The following PCNX2 variants were observed in gnomAD, a reference collection of about 807,000 sequenced individuals.
PCNX2 encodes the protein pecanex 2, also known as pecanex-like protein 2.
PCNX2 carries 168 observed loss-of-function variants against 223.8 expected under a neutral mutation model. The ratio of observed to expected loss-of-function variants is 0.75; its 90% CI spans 0.66 to 0.85. The LOEUF (loss-of-function observed/expected upper bound fraction) is 0.85. Ranked by LOEUF, PCNX2 falls within the 40% of genes least tolerant of loss-of-function variation. PCNX2 has a pLI of 0.00. For missense variants in PCNX2, 2,507 were observed against 2,675.5 expected (o/e 0.94, Z 1.39); for synonymous variants, 1,006 against 1,052.6 (o/e 0.96, Z 0.86).
At position 233,252,675 on chromosome 1, in the gene PCNX2, G is replaced by C. The variant is rs991448682; in HGVS notation, c.1948C>G (p.Pro650Ala). The change falls in exon 6 of 34, where the codon CCC (proline) becomes GCC (alanine). Residue 650 changes from proline (P) to alanine (A), a missense_variant. Pro to Ala is a conservative substitution (Grantham distance 27). Around this residue, in one of 3 missense-constraint regions of PCNX2, gnomAD observed 1,031 missense variants for 1,021.7 expected, o/e 1.01. Transcript: ENST00000258229. ...GTCTTGGCAGGCTGAGTGCATGCGG[G>C]GCCGGTGCTAGTATGGTCTTGACTT... ...LQSQDHTSTG[P>A]ACTQPAKTTA... The C allele has an allele frequency of 1.2e-6, 2 of 1,613,638 alleles. No homozygotes were observed. The highest frequency in any genetic ancestry group is 1.7e-6 in the Non-Finnish European group (2 of 1,179,800).
At chr1:233,281,495 T>A (rs906992916) in intron 1 of PCNX2, among the ~76,000 whole-genome samples, 2 of 152,182 alleles carry the variant, frequency 1.3e-5, no homozygotes, top group Admixed American at 1.3e-4. Context: ...CTCCTATACT[T>A]AATATCAGTC....
intron 1 of PCNX2, among the ~76,000 whole-genome samples, chr1:233,278,976 T>C (rs997172261): frequency 2.6e-5 from 4 of 152,208 alleles, no homozygotes; most frequent in African/African-American, 9.7e-5. Flanking sequence ...ATGACCCTAG[T>C]ATTCTTCAAT....
chr1:233,229,697 T>A (rs1285007800), intron 9 of PCNX2, among the ~76,000 whole-genome samples: 1 of 152,154 alleles, frequency 6.6e-6, no homozygotes, highest in Non-Finnish European at 1.5e-5. Context: ...GAAAAGTCAG[T>A]ATCTAAAAAA....
At chr1:233,096,428 T>C (rs149579384) in intron 21 of PCNX2, among the ~76,000 whole-genome samples, 1,669 of 152,322 alleles carry the variant, frequency 0.011, 9 homozygotes, top group Non-Finnish European at 0.018. Flanking sequence ...AGACCTCACA[T>C]ACGGTGAACA....
chr1:233,101,531 A>G (rs991116644), intron 21 of PCNX2, among the ~76,000 whole-genome samples: 1 of 152,232 alleles, frequency 6.6e-6, no homozygotes, highest in Non-Finnish European at 1.5e-5. Context: ...AATAGCATCC[A>G]TCAGACTTTG....
At position 233,295,644 on chromosome 1, in the gene PCNX2, C is replaced by T; in HGVS notation, c.-166G>A. On this transcript the variant is annotated 5_prime_UTR_variant, in exon 1 of 34. Transcript: ENST00000258229. This position sits in a 1 kb window ranked among gnomAD's most constrained non-coding sequence, Gnocchi z 4.1. Reference sequence around the variant, plus strand: ...TTCCACCCCACGTTTGAAGCTGGAGCTGCTCTTCCGCCCGGACCCGCGAAC... The same window carrying T: ...TTCCACCCCACGTTTGAAGCTGGAGTTGCTCTTCCGCCCGGACCCGCGAAC... The T allele has an allele frequency of 1.3e-6, 1 of 755,710 alleles. No individual in the cohort carries two copies. The highest frequency in any genetic ancestry group is 5.0e-5 in the South Asian group (1 of 20,124). 46.8% of individuals were successfully genotyped at this position (755,710 alleles called of 1,614,324 possible).
chr1:233,098,223 C>A (rs758444067), intron 21 of PCNX2, among the ~76,000 whole-genome samples: 2 of 152,176 alleles, frequency 1.3e-5, no homozygotes, highest in Non-Finnish European at 2.9e-5. Context: ...GGCATTTAAG[C>A]CACCTTTTGA....
At position 233,017,000 on chromosome 1, in the gene PCNX2, C is replaced by G. The variant is rs1247819488; in HGVS notation, c.4760G>C (p.Cys1587Ser). The change falls in exon 27 of 34, where the codon TGT (cysteine) becomes TCT (serine). Residue 1587 changes from cysteine (C) to serine (S), a missense_variant. By Grantham distance (112) the Cys-to-Ser change is moderately radical. Transcript: ENST00000258229. Reference sequence around the variant, plus strand: ...GCTAGCTCGTGTGATCCCCTGGAGACACGGGACGTAGTCATCATCAATGTT... The same window carrying G: ...GCTAGCTCGTGTGATCCCCTGGAGAGACGGGACGTAGTCATCATCAATGTT... ...NINIDDDYVP[C>S]LQGITRASFC... 1 of 1,613,948 alleles carries G rather than the reference C, an allele frequency of 6.2e-7. No homozygotes were observed. Among genetic ancestry groups the G allele is most frequent in the Non-Finnish European group, 8.5e-7 (1 of 1,179,870 alleles).
intron 7 of PCNX2, 114 bp from the exon 8 acceptor site, chr1:233,250,946 CTG>C: frequency 8.8e-7 from 1 of 1,138,240 alleles, no homozygotes; most frequent in South Asian, 1.7e-5. Flanking sequence ...GTTATAATAA[CTG>C]TTGACAATCG....
rs1327690156 is a variant in PCNX2 at position 233,139,887 on chromosome 1, C to A, written c.3518-32G>T. ...GAAATATAAAAACCACTTAGAACAA[C>A]CACCGATCAAAGTATTTTTCTTTAA... On this transcript the variant is annotated intron_variant, in intron 19 of 33. Coordinates refer to ENST00000258229, the MANE Select transcript of PCNX2 (RefSeq NM_014801.4). The surrounding 1 kb of genome is among the most constrained non-coding windows in gnomAD (Gnocchi z 4.4). 8 of 1,597,944 alleles carry A rather than the reference C, an allele frequency of 5.0e-6. No individual in the cohort carries two copies. The highest frequency in any genetic ancestry group is 8.5e-7 in the Non-Finnish European group (1 of 1,172,830).
intron 9 of PCNX2, chr1:233,231,570 T>C (rs1658064677): frequency 1.1e-6 from 1 of 896,258 alleles, no homozygotes; most frequent in Non-Finnish European, 1.3e-6. Flanking sequence ...GGGGTGGATA[T>C]TGAAAATAAT....
chr1:233,168,761 C>G (rs1678952349), intron 17 of PCNX2, among the ~76,000 whole-genome samples: 1 of 151,968 alleles, frequency 6.6e-6, no homozygotes, highest in Non-Finnish European at 1.5e-5. Flanking sequence ...GTAAGCATTT[C>G]ACAATCCTTG....
chr1:233,178,626 A>G (rs1052853074), intron 16 of PCNX2, among the ~76,000 whole-genome samples: 1 of 152,174 alleles, frequency 6.6e-6, no homozygotes, highest in Non-Finnish European at 1.5e-5. Flanking sequence ...CAAAACAATA[A>G]AATCAAACAA....
At chr1:233,167,717 T>A in intron 17 of PCNX2, 2 of 981,792 alleles carry the variant, frequency 2.0e-6, no homozygotes, top group Non-Finnish European at 2.4e-6. Flanking sequence ...AAAATAAAAA[T>A]ATCTTTAAAA....
In PCNX2 at chr1:233,295,483, G is replaced by C. The variant is rs1393328027; in HGVS notation, c.-5C>G. The stretch of plus-strand genomic sequence containing the variant: ...CTGCAGCACCTGGGACACCATGCCG[G>C]CTGCGCCCCGGGGCTGGTGAGCGCC... On this transcript the variant is annotated 5_prime_UTR_variant, in exon 1 of 34. Coordinates refer to ENST00000258229, the MANE Select transcript of PCNX2 (RefSeq NM_014801.4). This position sits in a 1 kb window ranked among gnomAD's most constrained non-coding sequence, Gnocchi z 4.1. 1.3e-6 allele frequency: 2 copies of C among 1,546,574 alleles called. No homozygotes were observed. The highest frequency in any genetic ancestry group is 1.7e-6 in the Non-Finnish European group (2 of 1,145,122).
intron 9 of PCNX2, among the ~76,000 whole-genome samples, chr1:233,227,671 G>T (rs2139996): frequency 2.0e-5 from 3 of 151,964 alleles, no homozygotes; most frequent in Non-Finnish European, 4.4e-5. Flanking sequence ...TGCTCATTAA[G>T]GCCAAGAAAC....
chr1:233,273,280 T>C (rs1177235023), intron 1 of PCNX2, among the ~76,000 whole-genome samples: 1 of 152,020 alleles, frequency 6.6e-6, no homozygotes, highest in Non-Finnish European at 1.5e-5. Flanking sequence ...ACTTTTTCTT[T>C]ACACATTCTG....
intron 21 of PCNX2, among the ~76,000 whole-genome samples, chr1:233,107,214 A>ACACACACAC (rs371695786): frequency 3.3e-5 from 5 of 150,242 alleles, no homozygotes; most frequent in African/African-American, 1.2e-4. Flanking sequence ...CACACACACA[A>ACACACACAC]AACCATGCAC....
chr1:233,071,736 T>C (rs1434919796), intron 23 of PCNX2, among the ~76,000 whole-genome samples: 1 of 152,222 alleles, frequency 6.6e-6, no homozygotes, highest in Non-Finnish European at 1.5e-5. Context: ...GATTTCCATA[T>C]GGTTGAACTA....
Sources: gnomAD v4.1 joint callset for allele counts (sites outside exome capture counted in the v4.1 genomes callset) on GRCh38, gnomAD v4.1.1 for gene constraint, gnomAD v4.1.1 regional missense constraint, Gnocchi (gnomAD v3.1) non-coding constraint, MANE v1.5 for transcripts, NCBI Gene and HGNC (gene_info 2026-07-23, HGNC 2026-07-21) for gene names.